NCOA6: variants seen among roughly 807,000 people sequenced by gnomAD.
The protein encoded by NCOA6 is nuclear receptor coactivator 6, also known as NRC RAP250.
In NCOA6, 49 loss-of-function variants were observed where a neutral mutation model predicts 171.4. That is an observed-to-expected ratio of 0.29 (90% CI 0.23 to 0.36). The LOEUF (loss-of-function observed/expected upper bound fraction) is 0.36. Ranked by LOEUF, NCOA6 falls within the 10% of genes least tolerant of loss-of-function variation. NCOA6 has a pLI of 1.00. For missense variants in NCOA6, 2,248 were observed against 2,554.5 expected, an observed-to-expected ratio of 0.88 and a Z score of 2.59; for synonymous variants, 910 against 927.5, an observed-to-expected ratio of 0.98 and a Z score of 0.34.
At position 34,750,015 on chromosome 20, in the gene NCOA6, T is replaced by G; in HGVS notation, c.2180A>C (p.Gln727Pro). The G allele has an allele frequency of 1.2e-6, 2 of 1,614,282 alleles. No homozygotes were observed. Among genetic ancestry groups the G allele is most frequent in the Non-Finnish European group, 1.7e-6 (2 of 1,180,048 alleles). ...MTNQMQGNKQ[Q>P]FNTQNQSNVM... ...ATTGGACTGGTTCTGAGTGTTAAAC[T>G]GCTGCTTATTCCCCTGCATTTGATT... The change falls in exon 9 of 15, where the codon CAG becomes CCG. Residue 727 changes from glutamine to proline, a missense_variant. This residue lies in a region of NCOA6 where 987 missense variants were observed against 1,104.7 expected (regional missense o/e 0.89). Transcript: ENST00000359003.
chr20:34,746,930 T>TTAAA lies in NCOA6; in HGVS notation c.2793-3_2793-2insTTTA. The TTAAA allele has an allele frequency of 1.8e-6, 2 of 1,138,196 alleles. No homozygotes were observed. The highest frequency in any genetic ancestry group is 2.7e-5 in the South Asian group (1 of 37,016). The allele number at this position is 1,138,196 out of a possible 1,614,324, so 70.5% of individuals were successfully genotyped here. On this transcript the variant is annotated splice_polypyrimidine_tract_variant and splice_region_variant and intron_variant, in intron 9 of 14. Coordinates refer to ENST00000359003, the MANE Select transcript of NCOA6 (RefSeq NM_014071.5). ...CCAGCTGGGCGAGTATCTGGGGTGC[T>TTAAA]AAAAAAAAAAAAAAAAAAAAAAGTG...
rs1989433539 is a variant in NCOA6 at position 34,722,092 on chromosome 20, A to C, written c.6148+5167T>G. 4.3e-5 allele frequency among the ~76,000 whole-genome samples: 6 copies of C among 139,124 alleles called. No homozygotes were observed. The South Asian group carries it at 1.4e-3, about 32-fold the overall frequency. 91.3% of individuals were successfully genotyped at this position (139,124 alleles called of 152,430 possible). On this transcript the variant is annotated intron_variant, in intron 14 of 14. Coordinates refer to ENST00000359003, the MANE Select transcript of NCOA6 (RefSeq NM_014071.5). ...AAAAAAAAAAAAAAAAAGCAAAAGA[A>C]AAAGCCGGCTGGGCATGGTGGCTCA...
intron 5 of NCOA6, among the ~76,000 whole-genome samples, chr20:34,762,409 T>C (rs1233278268): frequency 6.6e-6 from 1 of 152,168 alleles, no homozygotes; most frequent in Non-Finnish European, 1.5e-5. Context: ...GTGTTCATAA[T>C]CCATTTACCT....
At position 34,757,297 on chromosome 20, in the gene NCOA6, T is replaced by G; in HGVS notation, c.1451A>C (p.Asn484Thr). The change falls in exon 7 of 15, where the codon AAT (asparagine) becomes ACT (threonine). Residue 484 changes from asparagine (N) to threonine (T), a missense_variant. Around this residue, in one of 7 missense-constraint regions of NCOA6, gnomAD observed 987 missense variants for 1,104.7 expected, o/e 0.89. Transcript: ENST00000359003. ...CATCACCATGAAGTTAGGTGGCACA[T>G]TTCCCTGTTGAACCATAGGATTCCG... ...PGRNPMVQQG[N>T]VPPNFMVMQQ... The G allele has an allele frequency of 1.2e-6, 2 of 1,613,946 alleles. No individual in the cohort carries two copies. Among genetic ancestry groups the G allele is most frequent in the Non-Finnish European group, 1.7e-6 (2 of 1,179,858 alleles).
Position 34,715,145 on chromosome 20 carries a change from C to G in NCOA6, c.*177G>C, listed in dbSNP as rs939987970. ...ACTTCAACTCGCAACACCAAAAGGG[C>G]TCAACAGTCCTGCTTTCCCCATTGC... On this transcript the variant is annotated 3_prime_UTR_variant, in exon 15 of 15. Transcript: ENST00000359003. 1.4e-6 allele frequency: 1 copy of G among 707,148 alleles called. No homozygotes were observed. Among genetic ancestry groups the G allele is most frequent in the East Asian group, 3.0e-5 (1 of 33,876 alleles). The allele number at this position is 707,148 out of a possible 1,614,324, so 43.8% of individuals were successfully genotyped here.
rs746322489 is a variant in NCOA6 at position 34,776,324 on chromosome 20, C to T, written c.360G>A (p.Arg120=). ...TCTGAACGGAGAGAATCCCTAAATC[C>T]CGAAGCTGCTGGTTGTTGCTCTGAG... is the stretch of plus-strand genomic sequence containing the variant. The part of the protein sequence containing the change: ...ILAQSNNQQL[R]DLGILSVQIE... Residue 120 remains arginine (R), a synonymous_variant, in exon 4 of 15, where the codon CGG becomes CGA. Coordinates refer to ENST00000359003, the MANE Select transcript of NCOA6 (RefSeq NM_014071.5). The T allele has an allele frequency of 1.2e-6, 2 of 1,613,808 alleles. No individual in the cohort carries two copies. Among genetic ancestry groups the T allele is most frequent in the African/African-American group, 1.3e-5 (1 of 74,920 alleles).
At chr20:34,785,876 T>TA (rs33961774) in intron 2 of NCOA6, among the ~76,000 whole-genome samples, 2,675 of 136,150 alleles carry the variant, frequency 0.02, 44 homozygotes, top group African/African-American at 0.035. Flanking sequence ...ACACAGTACT[T>TA]AAAAAAAAAA....
Position 34,758,772 on chromosome 20 carries a change from GAC to G in NCOA6, c.643+31_643+32del, listed in dbSNP as rs1600885118. ...ATAATGATCTGTGCAGAAAGTTTCA[GAC>G]TCTTCATCCTCAAAGATTGGAAGTC... is the stretch of plus-strand genomic sequence containing the variant. On this transcript the variant is annotated intron_variant, in intron 6 of 14. Coordinates refer to ENST00000359003, the MANE Select transcript of NCOA6 (RefSeq NM_014071.5). The G allele has an allele frequency of 3.7e-6, 6 of 1,607,054 alleles. No individual in the cohort carries two copies. In the Middle Eastern group the frequency reaches 5.0e-4, roughly 134 times the overall value.
At chr20:34,728,444 A>G (rs1484890110) in intron 13 of NCOA6, among the ~76,000 whole-genome samples, 1 of 152,194 alleles carries the variant, frequency 6.6e-6, no homozygotes, top group African/African-American at 2.4e-5. Context: ...GGGGACATTT[A>G]GCAACATCTG....
intron 6 of NCOA6, among the ~76,000 whole-genome samples, 168 bp downstream of exon 6, chr20:34,758,637 A>T (rs1249578502): frequency 1.3e-5 from 2 of 152,240 alleles, no homozygotes; most frequent in Non-Finnish European, 2.9e-5. Context: ...AGAAATTCTG[A>T]AAAGAAAATA....
chr20:34,823,178 A>T (rs2079057140), intron 1 of NCOA6, among the ~76,000 whole-genome samples: 1 of 152,196 alleles, frequency 6.6e-6, no homozygotes, highest in African/African-American at 2.4e-5. Context: ...TATTATTCTG[A>T]AAGGGGTCCA....
At chr20:34,802,665 T>C (rs982599588) in intron 1 of NCOA6, among the ~76,000 whole-genome samples, 2 of 152,184 alleles carry the variant, frequency 1.3e-5, no homozygotes, top group East Asian at 1.9e-4. Context: ...ATATATTGGT[T>C]ACATATTAAA....
Position 34,749,583 on chromosome 20 carries a change from T to A in NCOA6, c.2612A>T (p.Asn871Ile). The change falls in exon 9 of 15, where the codon AAT becomes ATT. Residue 871 changes from asparagine to isoleucine, a missense_variant. Asn to Ile is a moderately radical substitution (Grantham distance 149). Around this residue, in one of 7 missense-constraint regions of NCOA6, gnomAD observed 987 missense variants for 1,104.7 expected, o/e 0.89. Coordinates refer to ENST00000359003, the MANE Select transcript of NCOA6 (RefSeq NM_014071.5). ...PNGNQMSCGQ[N>I]PGFPVNKDVT... ...ATCCTTATTGACTGGGAAGCCTGGA[T>A]TTTGACCACAGGACATCTGATTTCC... 6.2e-7 allele frequency: 1 copy of A among 1,614,170 alleles called. No individual in the cohort carries two copies. The highest frequency in any genetic ancestry group is 8.5e-7 in the Non-Finnish European group (1 of 1,180,030).
chr20:34,716,014 T>G (rs1988526321), intron 14 of NCOA6, among the ~76,000 whole-genome samples: 1 of 151,896 alleles, frequency 6.6e-6, no homozygotes, highest in African/African-American at 2.4e-5. Context: ...GTGAGGAGTT[T>G]GAGACTAGTT....
chr20:34,775,340 G>C (rs181499485), intron 4 of NCOA6, among the ~76,000 whole-genome samples: 1 of 151,932 alleles, frequency 6.6e-6, no homozygotes, highest in Non-Finnish European at 1.5e-5. Context: ...CTGTGCGTGC[G>C]TGCACGTGCT....
At chr20:34,794,967 T>C (rs2078016037) in intron 1 of NCOA6, among the ~76,000 whole-genome samples, 2 of 152,184 alleles carry the variant, frequency 1.3e-5, no homozygotes, top group Non-Finnish European at 1.5e-5. Flanking sequence ...GAGGTAACTA[T>C]GACATTAATG....
In NCOA6 at chr20:34,782,382, C is replaced by G. The variant is rs750527661; in HGVS notation, c.-27G>C. Reference sequence around the variant, plus strand: ...GTGAATATTATTCCAGAAGCATATGCCAAGAGGACAATAAGAAAACTTCTG... The same window carrying G: ...GTGAATATTATTCCAGAAGCATATGGCAAGAGGACAATAAGAAAACTTCTG... On this transcript the variant is annotated 5_prime_UTR_variant, in exon 3 of 15. Transcript: ENST00000359003. The G allele has an allele frequency of 7.1e-6, 10 of 1,417,558 alleles. No individual in the cohort carries two copies. In the East Asian group the frequency reaches 2.3e-4, roughly 33 times the overall value. 87.8% of individuals were successfully genotyped at this position (1,417,558 alleles called of 1,614,324 possible).
At chr20:34,751,975 A>T (rs1326355816) in intron 8 of NCOA6, among the ~76,000 whole-genome samples, 1 of 152,098 alleles carries the variant, frequency 6.6e-6, no homozygotes, top group African/African-American at 2.4e-5. Flanking sequence ...TTCATGCCTC[A>T]GCCTCCCCAG....
At chr20:34,770,890 A>G (rs1240130849) in intron 4 of NCOA6, among the ~76,000 whole-genome samples, 2 of 152,066 alleles carry the variant, frequency 1.3e-5, no homozygotes, top group Non-Finnish European at 2.9e-5. Flanking sequence ...TTGGCCTCCC[A>G]AAGTGCTGGG....
Sources: gnomAD v4.1 joint callset for allele counts (sites outside exome capture counted in the v4.1 genomes callset) on GRCh38, gnomAD v4.1.1 for gene constraint, gnomAD v4.1.1 regional missense constraint, MANE v1.5 for transcripts, NCBI Gene and HGNC (gene_info 2026-07-23, HGNC 2026-07-21) for gene names.